The following C10orf143 variants were observed in gnomAD, a reference collection of about 807,000 sequenced individuals.
C10orf143 encodes uncharacterized protein C10orf143.
intron 3 of C10orf143, among the ~76,000 whole-genome samples, chr10:130,073,270 T>A (rs914104265): frequency 6.6e-6 from 1 of 152,172 alleles, no homozygotes; most frequent in African/African-American, 2.4e-5. Flanking sequence ...GCTGCAACTG[T>A]TTTTATGGCA....
At chr10:130,072,234 T>C (rs1433596888) in intron 3 of C10orf143, among the ~76,000 whole-genome samples, 1 of 152,256 alleles carries the variant, frequency 6.6e-6, no homozygotes. Context: ...TAATATATCT[T>C]GATATCTGAT....
intron 1 of C10orf143, among the ~76,000 whole-genome samples, chr10:130,088,539 G>A (rs1196544781): frequency 6.6e-6 from 1 of 152,072 alleles, no homozygotes; most frequent in Non-Finnish European, 1.5e-5. Context: ...TGGCCCTTAT[G>A]CCGAAGATCA....
Position 130,101,865 on chromosome 10 carries a change from C to CAAAAAAAAAAA in C10orf143, c.69+8828_69+8838dup, listed in dbSNP as rs1267433489. Among the ~76,000 whole-genome samples the CAAAAAAAAAAA allele has an allele frequency of 4.8e-4, 23 of 47,736 alleles. 3 individuals carry two copies. The highest frequency in any genetic ancestry group is 1.4e-3 in the African/African-American group (11 of 7,590). 31.3% of individuals were successfully genotyped at this position (47,736 alleles called of 152,430 possible). On this transcript the variant is annotated intron_variant, in intron 1 of 3. Transcript: ENST00000637128. ...ACTCTGTCTCAAAAAAAAAAAAAAC[C>CAAAAAAAAAAA]AAAAAAAAAAAAAAAAAAAACTTTT...
chr10:130,060,351 A>G (rs1860840309), downstream of C10orf143, among the ~76,000 whole-genome samples: 1 of 152,200 alleles, frequency 6.6e-6, no homozygotes, highest in African/African-American at 2.4e-5. Context: ...TTAGACAGCA[A>G]CTTCTATAAT....
intron 3 of C10orf143, among the ~76,000 whole-genome samples, chr10:130,071,294 C>CT (rs1861029034): frequency 6.6e-6 from 1 of 152,174 alleles, no homozygotes; most frequent in Non-Finnish European, 1.5e-5. Flanking sequence ...ATGTACATGG[C>CT]TTCTGAGGAA....
In C10orf143 at chr10:130,107,856, T is replaced by C. The variant is rs530069349; in HGVS notation, c.69+2848A>G. The C allele has an allele frequency of 2.0e-5, 25 of 1,259,340 alleles. No homozygotes were observed. In the African/African-American group the frequency reaches 3.2e-4, roughly 16 times the overall value. The allele number at this position is 1,259,340 out of a possible 1,614,324, so 78.0% of individuals were successfully genotyped here. On this transcript the variant is annotated intron_variant, in intron 1 of 3. Coordinates refer to ENST00000637128, the MANE Select transcript of C10orf143 (RefSeq NM_001355042.2). ...CCGAGGGAACAGGACCGTAGGATGATGTTTCCTCCACCAGCGCAATCATAT... is the reference window on the plus strand; with the variant it reads ...CCGAGGGAACAGGACCGTAGGATGACGTTTCCTCCACCAGCGCAATCATAT...
chr10:130,109,857 A>G (rs1195746208), intron 1 of C10orf143, among the ~76,000 whole-genome samples: 1 of 152,038 alleles, frequency 6.6e-6, no homozygotes, highest in Non-Finnish European at 1.5e-5. Flanking sequence ...AGAAGAAAAA[A>G]AAAAGCAAAT....
chr10:130,086,271 C>G (rs80071341), intron 1 of C10orf143, among the ~76,000 whole-genome samples: 2,224 of 152,294 alleles, frequency 0.015, 36 homozygotes, highest in East Asian at 0.049. Flanking sequence ...CAAACGTACT[C>G]TCTCATTCCT....
intron 1 of C10orf143, among the ~76,000 whole-genome samples, chr10:130,082,498 C>T (rs1009358026): frequency 6.6e-6 from 1 of 151,876 alleles, no homozygotes; most frequent in African/African-American, 2.4e-5. Flanking sequence ...ATCATGGGGG[C>T]GGTTCCCCTA....
chr10:130,075,409 C>G (rs1458622727), intron 3 of C10orf143, among the ~76,000 whole-genome samples: 2 of 152,200 alleles, frequency 1.3e-5, no homozygotes, highest in Non-Finnish European at 2.9e-5. Context: ...TGACTGAGCC[C>G]TTGCAGGGGA....
chr10:130,103,888 G>A (rs955361705), intron 1 of C10orf143, among the ~76,000 whole-genome samples: 8 of 151,520 alleles, frequency 5.3e-5, no homozygotes, highest in Admixed American at 2.6e-4. Context: ...AAATATTATC[G>A]ACTTGATTTT....
intron 1 of C10orf143, chr10:130,108,177 TGAG>T (rs1427104974): frequency 2.5e-6 from 4 of 1,575,288 alleles, no homozygotes; most frequent in Admixed American, 3.3e-5. Flanking sequence ...GGCCCGTTCA[TGAG>T]AAGAGCACCT....
At chr10:130,053,856 C>T (rs1001910278) in intron 3 of C10orf143, among the ~76,000 whole-genome samples, 1 of 152,192 alleles carries the variant, frequency 6.6e-6, no homozygotes, top group African/African-American at 2.4e-5. Context: ...CTGTGGGTCC[C>T]TGGGAGAGTG....
intron 4 of C10orf143, among the ~76,000 whole-genome samples, chr10:130,035,254 C>T (rs1860532566): frequency 6.6e-6 from 1 of 151,812 alleles, no homozygotes; most frequent in South Asian, 2.1e-4. Flanking sequence ...GCCTTCTCCC[C>T]ATGTCATCCT....
At chr10:130,042,282 T>A (rs1163404519) in intron 3 of C10orf143, among the ~76,000 whole-genome samples, 2 of 152,240 alleles carry the variant, frequency 1.3e-5, no homozygotes, top group African/African-American at 4.8e-5. Context: ...TTAACCACTT[T>A]CACGCCGTTT....
rs777670225 is a variant in C10orf143, at chr10:130,064,126, G to C, written c.*228C>G. ...GAAAGGAGGCTGTAGTACGTAGTAAGGATTTGGGGGCTCTTTTGAAGTGAT... is the reference window on the plus strand; with the variant it reads ...GAAAGGAGGCTGTAGTACGTAGTAACGATTTGGGGGCTCTTTTGAAGTGAT... On this transcript the variant is annotated 3_prime_UTR_variant, in exon 4 of 4. Transcript: ENST00000637128. The C allele has an allele frequency of 7.2e-4, 273 of 378,410 alleles. No individual in the cohort carries two copies. Among genetic ancestry groups the C allele is most frequent in the Non-Finnish European group, 1.1e-3 (230 of 214,250 alleles). The allele number at this position is 378,410 out of a possible 1,614,324, so 23.4% of individuals were successfully genotyped here.
downstream of C10orf143, among the ~76,000 whole-genome samples, chr10:130,061,863 T>C (rs1304510650): frequency 2.6e-5 from 4 of 152,070 alleles, no homozygotes; most frequent in Admixed American, 6.6e-5. Context: ...CTCCAGGTAA[T>C]CCCAGCAGGA....
intron 3 of C10orf143, among the ~76,000 whole-genome samples, chr10:130,037,250 T>G (rs1302009847): frequency 6.6e-6 from 1 of 152,178 alleles, no homozygotes; most frequent in Non-Finnish European, 1.5e-5. Flanking sequence ...GGGCCGCCGC[T>G]TCCGCCGTAT....
Position 130,064,587 on chromosome 10 carries a change from T to C in C10orf143, c.298-204A>G, listed in dbSNP as rs1380561372. On this transcript the variant is annotated intron_variant, in intron 3 of 3. Coordinates refer to ENST00000637128, the MANE Select transcript of C10orf143 (RefSeq NM_001355042.2). ...AAGATATTTAAAGCATTTCCAGTAGTGACTGGTACACAGAAGACTTTCAAT... is the reference window on the plus strand; with the variant it reads ...AAGATATTTAAAGCATTTCCAGTAGCGACTGGTACACAGAAGACTTTCAAT... 2.0e-5 allele frequency among the ~76,000 whole-genome samples: 3 copies of C among 152,212 alleles called. No individual in the cohort carries two copies. In the East Asian group the frequency reaches 5.8e-4, roughly 29 times the overall value.
Sources: gnomAD v4.1 joint callset for allele counts (sites outside exome capture counted in the v4.1 genomes callset) on GRCh38, gnomAD v4.1.1 for gene constraint, MANE v1.5 for transcripts, NCBI Gene and HGNC (gene_info 2026-07-23, HGNC 2026-07-21) for gene names.